TOX4: variants seen among roughly 807,000 people sequenced by gnomAD.
TOX4 encodes the protein TOX high mobility group box family member 4.
In TOX4, 12 loss-of-function variants were observed where a neutral mutation model predicts 61.0. That is an observed-to-expected ratio of 0.20 (90% CI 0.13 to 0.32). The LOEUF (loss-of-function observed/expected upper bound fraction) is 0.32, where lower values mean the gene tolerates loss of function less well. Among genes scored for constraint, TOX4 ranks in the 10% least tolerant of loss-of-function variants. TOX4 has a pLI of 1.00. For synonymous variants in TOX4, 268 were observed against 274.8 expected, an observed-to-expected ratio of 0.98 and a Z score of 0.24; for missense variants, 499 against 753.3, an observed-to-expected ratio of 0.66 and a Z score of 3.95.
At chr14:21,491,574 A>G (rs1454141577) in intron 5 of TOX4, among the ~76,000 whole-genome samples, 1 of 150,320 alleles carries the variant, frequency 6.7e-6, no homozygotes, top group Non-Finnish European at 1.5e-5. Flanking sequence ...CAGGTTAGCC[A>G]GGATGGTCTC....
At position 21,498,112 on chromosome 14, in the gene TOX4, T is replaced by C. The variant is rs570142073; in HGVS notation, c.*1506T>C. ...TTGCACAAGATTATACACTGTTAAG[T>C]AGCAGAGCCAGAATGGACTTCAGAA... On this transcript the variant is annotated 3_prime_UTR_variant, in exon 9 of 9. Transcript: ENST00000448790. 4 of 616,124 alleles carry C rather than the reference T, an allele frequency of 6.5e-6. No individual in the cohort carries two copies. Among genetic ancestry groups the C allele is most frequent in the Admixed American group, 2.8e-5 (1 of 35,370 alleles). 38.2% of individuals were successfully genotyped at this position (616,124 alleles called of 1,614,324 possible). A position where few individuals can be genotyped will look rare whatever the true frequency, so the allele number is the denominator to read the frequency against.
At chr14:21,490,968 G>A (rs891298346) in intron 5 of TOX4, among the ~76,000 whole-genome samples, 2 of 152,220 alleles carry the variant, frequency 1.3e-5, no homozygotes, top group South Asian at 2.1e-4. Context: ...TGGGATTACC[G>A]GCATGTGCCG....
chr14:21,492,479 T>C (rs1594430962), intron 6 of TOX4, 29 bp from the exon 7 acceptor site: 1 of 1,611,332 alleles, frequency 6.2e-7, no homozygotes, highest in Non-Finnish European at 8.5e-7. Context: ...GATTGATTAA[T>C]TGATAGATTG....
rs1053848664 is a variant in TOX4 at position 21,496,764 on chromosome 14, ATGGAGCAGGGCCAC to A, written c.*161_*174del. Reference sequence around the variant, plus strand: ...TTCTTCCTTCAGCAGAGGCCAGGCTATGGAGCAGGGCCACTGAATTTGCTGTAATCTGGAGATGC... The same window carrying A: ...TTCTTCCTTCAGCAGAGGCCAGGCTATGAATTTGCTGTAATCTGGAGATGC... On this transcript the variant is annotated 3_prime_UTR_variant, in exon 9 of 9. Coordinates refer to ENST00000448790, the MANE Select transcript of TOX4 (RefSeq NM_014828.4). 1.0e-4 allele frequency: 66 copies of A among 630,828 alleles called. No individual in the cohort carries two copies. The African/African-American group carries it at 1.1e-3, about 11-fold the overall frequency. The allele number at this position is 630,828 out of a possible 1,614,324, so 39.1% of individuals were successfully genotyped here.
chr14:21,479,916 C>A (rs563065119), intron 2 of TOX4, among the ~76,000 whole-genome samples: 55 of 152,276 alleles, frequency 3.6e-4, no homozygotes, highest in African/African-American at 1.3e-3. Context: ...CAAGTTTACC[C>A]ACTGTTCTTA....
intron 2 of TOX4, 68 bp from the exon 3 acceptor site, chr14:21,487,383 T>A: frequency 6.4e-7 from 1 of 1,568,758 alleles, no homozygotes; most frequent in Non-Finnish European, 8.7e-7. Flanking sequence ...CCCCATTATG[T>A]TCTTCACTTA....
At position 21,488,279 on chromosome 14, in the gene TOX4, TTTC is replaced by T. The variant is rs544892263; in HGVS notation, c.319-308_319-306del. The T allele has an allele frequency of 1.3e-3, 344 of 261,214 alleles. 3 individuals carry two copies. Among genetic ancestry groups the T allele is most frequent in the African/African-American group, 6.5e-3 (294 of 45,042 alleles). The allele number at this position is 261,214 out of a possible 1,614,324, so 16.2% of individuals were successfully genotyped here. A position where few individuals can be genotyped will look rare whatever the true frequency, so the allele number is the denominator to read the frequency against. ...TTTGGGAGAGTACAGATAGGAAGTT[TTTC>T]TTTACTCAATGTGTTGTCACTACCT... On this transcript the variant is annotated intron_variant, in intron 3 of 8. Transcript: ENST00000448790.
intron 7 of TOX4, among the ~76,000 whole-genome samples, 186 bp downstream of exon 7, chr14:21,493,443 T>G (rs147458512): frequency 1.7e-3 from 263 of 152,266 alleles, no homozygotes; most frequent in South Asian, 3.5e-3. Context: ...ACTGTTTTTT[T>G]TTTGTTTGTT....
intron 5 of TOX4, among the ~76,000 whole-genome samples, chr14:21,490,957 C>G (rs1168522013): frequency 2.0e-5 from 3 of 152,234 alleles, no homozygotes; most frequent in African/African-American, 7.2e-5. Context: ...TCCCAAGTAG[C>G]TGGGATTACC....
chr14:21,478,932 T>C (rs997744442), intron 2 of TOX4, among the ~76,000 whole-genome samples: 6 of 151,568 alleles, frequency 4.0e-5, no homozygotes, highest in Non-Finnish European at 8.8e-5. Context: ...ACCTCCCAAG[T>C]AGCTGGGAAT....
chr14:21,498,310 C>G lies in TOX4; in HGVS notation c.*1704C>G. On this transcript the variant is annotated 3_prime_UTR_variant, in exon 9 of 9. Coordinates refer to ENST00000448790, the MANE Select transcript of TOX4 (RefSeq NM_014828.4). The stretch of plus-strand genomic sequence containing the variant: ...ACCATCTGGGTACCTTTGCTTGAAC[C>G]GTGCAACCACATCTGGGTCTAGTAG... 6.2e-7 allele frequency: 1 copy of G among 1,614,020 alleles called. No homozygotes were observed. The highest frequency in any genetic ancestry group is 8.5e-7 in the Non-Finnish European group (1 of 1,179,936).
Position 21,497,527 on chromosome 14 carries a change from T to G in TOX4, c.*921T>G, listed in dbSNP as rs1385831703. The G allele has an allele frequency of 9.3e-5, 2 of 21,602 alleles. No homozygotes were observed. Among genetic ancestry groups the G allele is most frequent in the African/African-American group, 1.4e-4 (1 of 7,390 alleles). The allele number at this position is 21,602 out of a possible 1,614,324, so 1.3% of individuals were successfully genotyped here. ...TGTTTTCTGTGTGTTTTTTGTTTTT[T>G]TTTTTTTTTTTTTTTTTTGAGACAG... On this transcript the variant is annotated 3_prime_UTR_variant, in exon 9 of 9. Coordinates refer to ENST00000448790, the MANE Select transcript of TOX4 (RefSeq NM_014828.4).
intron 5 of TOX4, among the ~76,000 whole-genome samples, chr14:21,489,759 T>C (rs755553015): frequency 1.1e-4 from 16 of 151,948 alleles, no homozygotes; most frequent in Admixed American, 8.5e-4. Context: ...GTTTTTGTAT[T>C]TTTAGTAGAG....
chr14:21,490,445 A>C (rs987136807), intron 5 of TOX4, among the ~76,000 whole-genome samples: 3 of 152,230 alleles, frequency 2.0e-5, no homozygotes, highest in Non-Finnish European at 4.4e-5. Flanking sequence ...ATTGCACTCC[A>C]GCCTGGGCAA....
At position 21,492,602 on chromosome 14, in the gene TOX4, C is replaced by T; in HGVS notation, c.986C>T (p.Pro329Leu). The change falls in exon 7 of 9, where the codon CCA (proline) becomes CTA (leucine). Residue 329 changes from proline to leucine, a missense_variant. Coordinates refer to ENST00000448790, the MANE Select transcript of TOX4 (RefSeq NM_014828.4). The part of the protein sequence containing the change: ...MATVDPASPA[P>L]ASIEPPALSP... ...ACTGTTGACCCAGCATCTCCAGCACCAGCTTCAATAGAGCCCCCTGCCCTG... is the reference window on the plus strand; with the variant it reads ...ACTGTTGACCCAGCATCTCCAGCACTAGCTTCAATAGAGCCCCCTGCCCTG... 1.2e-6 allele frequency: 2 copies of T among 1,613,864 alleles called. No homozygotes were observed. Among genetic ancestry groups the T allele is most frequent in the Admixed American group, 3.3e-5 (2 of 60,008 alleles).
intron 2 of TOX4, 87 bp from the exon 3 acceptor site, chr14:21,487,364 T>A: frequency 6.7e-7 from 1 of 1,502,428 alleles, no homozygotes; most frequent in Non-Finnish European, 8.9e-7. Context: ...ATCCTGAGAA[T>A]CTCTAGTACC....
At chr14:21,490,333 C>T (rs769756479) in intron 5 of TOX4, among the ~76,000 whole-genome samples, 3 of 151,536 alleles carry the variant, frequency 2.0e-5, no homozygotes, top group Non-Finnish European at 4.4e-5. Flanking sequence ...AAAAATTAGC[C>T]GGGTGTGGTG....
chr14:21,492,949 C>G lies in TOX4; in HGVS notation c.1333C>G (p.Pro445Ala), dbSNP rs781363213. 6.2e-7 allele frequency: 1 copy of G among 1,613,582 alleles called. No individual in the cohort carries two copies. The highest frequency in any genetic ancestry group is 8.5e-7 in the Non-Finnish European group (1 of 1,179,840). ...SMQLPPPRLQ[P>A]PPLQQMPQPP... is the part of the protein sequence containing the mutation. Reference sequence around the variant, plus strand: ...GCAACTGCCTCCACCCCGACTACAGCCCCCTCCATTACAACAGATGCCACA... The same window carrying G: ...GCAACTGCCTCCACCCCGACTACAGGCCCCTCCATTACAACAGATGCCACA... Residue 445 changes from proline to alanine, a missense_variant, in exon 7 of 9, where the codon CCC becomes GCC. Physicochemically the swap from Pro to Ala is conservative, Grantham distance 27. Transcript: ENST00000448790.
At chr14:21,488,317 T>G (rs530910879) in intron 3 of TOX4, 1 of 385,380 alleles carries the variant, frequency 2.6e-6, no homozygotes, top group Admixed American at 4.2e-5. Flanking sequence ...TATATATTAC[T>G]GAATAAGTTG....
Sources: gnomAD v4.1 joint callset for allele counts (sites outside exome capture counted in the v4.1 genomes callset) on GRCh38, gnomAD v4.1.1 for gene constraint, MANE v1.5 for transcripts, NCBI Gene and HGNC (gene_info 2026-07-23, HGNC 2026-07-21) for gene names.